WRAP73: variants seen among roughly 807,000 people sequenced by gnomAD.
WRAP73 encodes the protein WD repeat-containing protein WRAP73.
A neutral mutation model predicts 59.6 loss-of-function variants in WRAP73; 55 were observed. The ratio of observed to expected loss-of-function variants is 0.92; its 90% confidence interval spans 0.74 to 1.15. The LOEUF is 1.15. Among genes scored for constraint, WRAP73 ranks in the 50% most tolerant of loss-of-function variants. The pLI, the probability that WRAP73 is intolerant of heterozygous loss-of-function variation, is 0.00. For synonymous variants in WRAP73, 265 were observed against 258.2 expected (o/e 1.03, Z -0.25); for missense variants, 592 against 608.1 (o/e 0.97, Z 0.28).
chr1:3,642,457 A>T (rs1644655317), intron 3 of WRAP73, among the ~76,000 whole-genome samples: 1 of 152,104 alleles, frequency 6.6e-6, no homozygotes, highest in Non-Finnish European at 1.5e-5. Context: ...TGCTGCTGGG[A>T]GCTGGGCACG....
At position 3,635,219 on chromosome 1, in the gene WRAP73, T is replaced by C. The variant is rs114192897; in HGVS notation, c.679A>G (p.Lys227Glu). ...YSAYEWSLGI[K>E]SVAWSPSSQF... ...CTGCTGGGGCTCCAGGCCACAGACT[T>C]GATGCCCAGGGACCACTCGTAAGCG... The change falls in exon 7 of 12, where the codon AAG becomes GAG. Residue 227 changes from lysine to glutamate, a missense_variant. Physicochemically the swap from Lys to Glu is moderately conservative, Grantham distance 56. Coordinates refer to ENST00000270708, the MANE Select transcript of WRAP73 (RefSeq NM_017818.4). 48 of 1,614,076 alleles carry C rather than the reference T, an allele frequency of 3.0e-5. No homozygotes were observed. The East Asian group carries it at 1.0e-3, about 34-fold the overall frequency.
At position 3,635,229 on chromosome 1, in the gene WRAP73, G is replaced by C. The variant is rs893472178; in HGVS notation, c.669C>G (p.Ser223=). ...LLSTYSAYEW[S]LGIKSVAWSP... ...TCCAGGCCACAGACTTGATGCCCAG[G>C]GACCACTCGTAAGCGCTGTACGTGG... is the stretch of plus-strand genomic sequence containing the variant. The change falls in exon 7 of 12, where the codon TCC becomes TCG. Residue 223 remains serine, a synonymous_variant. Coordinates refer to ENST00000270708, the MANE Select transcript of WRAP73 (RefSeq NM_017818.4). 6.2e-7 allele frequency: 1 copy of C among 1,614,024 alleles called. No homozygotes were observed. The highest frequency in any genetic ancestry group is 1.7e-5 in the Admixed American group (1 of 60,026).
chr1:3,638,895 C>A lies in WRAP73; in HGVS notation c.340-73G>T. ...TCAGAGACCGTCTCAATCCTCAACCCGCCCACGCGTCCCCAAGCACAGGCC... is the reference window on the plus strand; with the variant it reads ...TCAGAGACCGTCTCAATCCTCAACCAGCCCACGCGTCCCCAAGCACAGGCC... On this transcript the variant is annotated intron_variant, in intron 3 of 11. Transcript: ENST00000270708. The A allele has an allele frequency of 1.9e-6, 3 of 1,553,328 alleles. No individual in the cohort carries two copies. The Admixed American group carries it at 5.1e-5, about 26-fold the overall frequency.
intron 3 of WRAP73, among the ~76,000 whole-genome samples, chr1:3,642,795 A>G (rs1262827806): frequency 6.6e-6 from 1 of 151,654 alleles, no homozygotes; most frequent in Non-Finnish European, 1.5e-5. Flanking sequence ...CAGACCCCAC[A>G]GTGTGCCCCA....
At chr1:3,631,210 C>A in intron 11 of WRAP73, 93 bp from the exon 12 acceptor site, 1 of 1,565,696 alleles carries the variant, frequency 6.4e-7, no homozygotes, top group Admixed American at 1.8e-5. Context: ...AGCACAGTGC[C>A]TGGAGTGACC....
In WRAP73 at chr1:3,633,821, A is replaced by G. The variant is rs577337906; in HGVS notation, c.817-318T>C. On this transcript the variant is annotated intron_variant, in intron 8 of 11. Transcript: ENST00000270708. ...GAGTGGGCTCAGCCTTCCCTCCGTG[A>G]TAAGAGGATACAGAGAACACTTGCA... is the stretch of plus-strand genomic sequence containing the variant. The G allele has an allele frequency of 2.8e-4, 78 of 282,134 alleles. No individual in the cohort carries two copies. The South Asian group carries it at 2.9e-3, about 10-fold the overall frequency. 17.5% of individuals were successfully genotyped at this position (282,134 alleles called of 1,614,324 possible).
chr1:3,631,240 T>A, intron 11 of WRAP73, 123 bp from the exon 12 acceptor site: 1 of 1,496,674 alleles, frequency 6.7e-7, no homozygotes, highest in Non-Finnish European at 9.1e-7. Context: ...AGAGCCAGGG[T>A]GGAGCCCCAG....
Position 3,635,015 on chromosome 1 carries a change from G to A in WRAP73, c.798C>T (p.Ala266=), listed in dbSNP as rs1350904223. ...KMITEFGHPA[A]INDPKIVVYK... ...GACTTACTATCTTGGGATCATTAAT[G>A]GCTGCAGGATGCCCAAACTCCGTGA... The change falls in exon 8 of 12, where the codon GCC becomes GCT. Residue 266 remains alanine, a synonymous_variant. Coordinates refer to ENST00000270708, the MANE Select transcript of WRAP73 (RefSeq NM_017818.4). 6.2e-7 allele frequency: 1 copy of A among 1,614,096 alleles called. No homozygotes were observed. Among genetic ancestry groups the A allele is most frequent in the Admixed American group, 1.7e-5 (1 of 60,008 alleles).
At chr1:3,648,815 AG>A (rs1328978066) in intron 1 of WRAP73, among the ~76,000 whole-genome samples, 1 of 152,204 alleles carries the variant, frequency 6.6e-6, no homozygotes. Flanking sequence ...TTAATTGAGG[AG>A]GGGGGCACAT....
chr1:3,633,217 C>T, intron 9 of WRAP73, 181 bp downstream of exon 9: 1 of 641,470 alleles, frequency 1.6e-6, no homozygotes, highest in African/African-American at 1.8e-5. Context: ...CTTCACGGCC[C>T]ACTGCGCAAT....
rs1211984828 is a variant in WRAP73, at chr1:3,635,084, G to A, written c.739-10C>T. On this transcript the variant is annotated splice_polypyrimidine_tract_variant and intron_variant, in intron 7 of 11. Transcript: ENST00000270708. ...GATTAAGGATGCGCACCTGAGGAAG[G>A]AAACCATGCACAGGTGAGGCAGGGC... 2 of 1,614,192 alleles carry A rather than the reference G, an allele frequency of 1.2e-6. No individual in the cohort carries two copies. Among genetic ancestry groups the A allele is most frequent in the Non-Finnish European group, 1.7e-6 (2 of 1,180,046 alleles).
At chr1:3,640,447 C>T (rs577794409) in intron 3 of WRAP73, among the ~76,000 whole-genome samples, 3 of 149,970 alleles carry the variant, frequency 2.0e-5, no homozygotes, top group South Asian at 2.1e-4. Context: ...CGGGGTGGAG[C>T]GCCCGAGGCT....
chr1:3,640,402 GGGT>G (rs1184625688), intron 3 of WRAP73, among the ~76,000 whole-genome samples: 3 of 151,840 alleles, frequency 2.0e-5, no homozygotes, highest in Non-Finnish European at 4.4e-5. Flanking sequence ...CAGCAGGGCG[GGGT>G]GGAGCGCCCG....
At chr1:3,640,417 G>C (rs534595451) in intron 3 of WRAP73, among the ~76,000 whole-genome samples, 57 of 152,022 alleles carry the variant, frequency 3.7e-4, no homozygotes, top group African/African-American at 1.2e-3. Context: ...GAGCGCCCGA[G>C]CATCTCAGCA....
At chr1:3,634,852 C>A in intron 8 of WRAP73, 145 bp downstream of exon 8, 4 of 979,408 alleles carry the variant, frequency 4.1e-6, no homozygotes, top group Non-Finnish European at 4.8e-6. Context: ...GGGCCAGACG[C>A]GTGAAATGTC....
chr1:3,647,626 C>A, intron 1 of WRAP73, 66 bp from the exon 2 acceptor site: 1 of 1,560,360 alleles, frequency 6.4e-7, no homozygotes. Flanking sequence ...CTTCGGAATG[C>A]TACTGCCCTG....
At chr1:3,631,175 T>C in intron 11 of WRAP73, 58 bp from the exon 12 acceptor site, 6 of 1,606,920 alleles carry the variant, frequency 3.7e-6, no homozygotes, top group Non-Finnish European at 5.1e-6. Context: ...TTCTGGGGGA[T>C]GGGCACCCCC....
In WRAP73 at chr1:3,646,631, C is replaced by T; in HGVS notation, c.339+35G>A. 1 of 1,552,606 alleles carries T rather than the reference C, an allele frequency of 6.4e-7. No homozygotes were observed. Among genetic ancestry groups the T allele is most frequent in the Non-Finnish European group, 8.8e-7 (1 of 1,134,628 alleles). ...GTTTCGAGAGCAGAGGACAGGATCA[C>T]ATGGCCAGTAAGGTGTCTTGGGGCT... On this transcript the variant is annotated intron_variant, in intron 3 of 11. Coordinates refer to ENST00000270708, the MANE Select transcript of WRAP73 (RefSeq NM_017818.4). The surrounding 1 kb of genome is among the most constrained non-coding windows in gnomAD (Gnocchi z 5.1).
rs765987088 is a variant in WRAP73 at position 3,637,034 on chromosome 1, G to A, written c.477C>T (p.Tyr159=). Residue 159 remains tyrosine, a synonymous_variant, in exon 5 of 12, where the codon TAC becomes TAT. Coordinates refer to ENST00000270708, the MANE Select transcript of WRAP73 (RefSeq NM_017818.4). ...ALAERRDCKD[Y]VSIFVCSDWQ... ...AATCACTGCAGACGAAGATGCTCAC[G>A]TAATCTTTGCAGTCGCGCCGTTCTG... 1.9e-5 allele frequency: 31 copies of A among 1,613,486 alleles called. No homozygotes were observed. The highest frequency in any genetic ancestry group is 6.6e-5 in the South Asian group (6 of 91,070).
Sources: allele counts gnomAD v4.1 joint callset (sites outside exome capture counted in the v4.1 genomes callset), GRCh38; gene constraint gnomAD v4.1.1; non-coding constraint Gnocchi (gnomAD v3.1); transcripts MANE v1.5; gene names NCBI Gene and HGNC (gene_info 2026-07-23, HGNC 2026-07-21).